Variants in ACSM1 observed in about 807,000 individuals in gnomAD.
The protein encoded by ACSM1 is acyl-coenzyme A synthetase ACSM1, mitochondrial.
A neutral mutation model predicts 75.8 loss-of-function variants in ACSM1; 79 were observed. That is an observed-to-expected ratio of 1.04 (90% CI 0.87 to 1.26). The LOEUF (loss-of-function observed/expected upper bound fraction) is 1.26, where lower values mean the gene tolerates loss of function less well. ACSM1 is among the 50% of genes most tolerant of loss of function. The pLI, the probability that ACSM1 is intolerant of heterozygous loss-of-function variation, is 0.00. For synonymous variants in ACSM1, 279 were observed against 265.8 expected, an observed-to-expected ratio of 1.05 and a Z score of -0.48; for missense variants, 676 against 720.1, an observed-to-expected ratio of 0.94 and a Z score of 0.70.
intron 3 of ACSM1, among the ~76,000 whole-genome samples, 158 bp downstream of exon 3, chr16:20,685,034 CA>C (rs1474568730): frequency 6.6e-6 from 1 of 152,226 alleles, no homozygotes; most frequent in African/African-American, 2.4e-5. Flanking sequence ...ATAATTCCCA[CA>C]GGGCAGGAAG....
intron 4 of ACSM1, chr16:20,680,200 G>A (rs561255957): frequency 2.6e-5 from 4 of 152,184 alleles, no homozygotes; most frequent in Non-Finnish European, 5.9e-5. Context: ...CTATCTTAAA[G>A]CCAGAGATAC....
Position 20,640,382 on chromosome 16 carries a change from C to T in ACSM1, c.1116+79G>A, listed in dbSNP as rs924665713. ...AAGGCACAAACCTGTTTCCCAGATGCGTGTCATTAACCTTAGCAAAATAAT... is the reference window on the plus strand; with the variant it reads ...AAGGCACAAACCTGTTTCCCAGATGTGTGTCATTAACCTTAGCAAAATAAT... On this transcript the variant is annotated intron_variant, in intron 8 of 13. Coordinates refer to ENST00000520010, the MANE Select transcript of ACSM1 (RefSeq NM_001318890.3). The T allele has an allele frequency of 1.1e-4, 167 of 1,515,518 alleles. 1 individual carries two copies. The highest frequency in any genetic ancestry group is 5.4e-4 in the South Asian group (46 of 85,854). The allele number at this position is 1,515,518 out of a possible 1,614,324, so 93.9% of individuals were successfully genotyped here.
At chr16:20,641,491 C>T (rs1045431118) in intron 7 of ACSM1, among the ~76,000 whole-genome samples, 1 of 152,182 alleles carries the variant, frequency 6.6e-6, no homozygotes, top group Non-Finnish European at 1.5e-5. Context: ...ATTGTATTCC[C>T]ATTATCTAAA....
intron 4 of ACSM1, chr16:20,680,693 A>C (rs534383832): frequency 7.9e-5 from 12 of 152,328 alleles, no homozygotes; most frequent in African/African-American, 1.9e-4. Flanking sequence ...GAGACTAAAA[A>C]CAAAACTCTA....
intron 10 of ACSM1, among the ~76,000 whole-genome samples, chr16:20,635,107 A>C (rs1211567233): frequency 6.6e-6 from 1 of 152,154 alleles, no homozygotes; most frequent in Non-Finnish European, 1.5e-5. Context: ...CAATCAAAAA[A>C]AAATTAGCTG....
At chr16:20,675,645 T>C (rs2020233305) in intron 4 of ACSM1, among the ~76,000 whole-genome samples, 1 of 152,212 alleles carries the variant, frequency 6.6e-6, no homozygotes, top group Non-Finnish European at 1.5e-5. Context: ...GTTAAGGACA[T>C]ACTGTGAATT....
chr16:20,660,735 T>C (rs1327823483), intron 7 of ACSM1, among the ~76,000 whole-genome samples: 2 of 152,208 alleles, frequency 1.3e-5, no homozygotes, highest in Admixed American at 1.3e-4. Flanking sequence ...CTAAAACATA[T>C]TAGCTCTGAT....
chr16:20,623,518 C>G lies in ACSM1; in HGVS notation c.1702G>C (p.Glu568Gln), dbSNP rs369831846. Reference sequence around the variant, plus strand: ...TGACCAGTCTCCTTTTTCCGAAGTTCCTTCCGTTCAATCTTGCCAGTGATG... The same window carrying G: ...TGACCAGTCTCCTTTTTCCGAAGTTGCTTCCGTTCAATCTTGCCAGTGATG... ...KTITGKIERK[E>Q]LRKKETGQM is the part of the protein sequence containing the mutation. Residue 568 changes from glutamate to glutamine, a missense_variant, in exon 14 of 14, where the codon GAA becomes CAA. Coordinates refer to ENST00000520010, the MANE Select transcript of ACSM1 (RefSeq NM_001318890.3). The G allele has an allele frequency of 6.2e-6, 10 of 1,613,992 alleles. No homozygotes were observed. Among genetic ancestry groups the G allele is most frequent in the Non-Finnish European group, 8.5e-6 (10 of 1,179,998 alleles).
intron 6 of ACSM1, among the ~76,000 whole-genome samples, chr16:20,663,977 G>A (rs1278722619): frequency 6.6e-6 from 1 of 152,040 alleles, no homozygotes; most frequent in Non-Finnish European, 1.5e-5. Flanking sequence ...GTGGGCTCTG[G>A]CTATTATCAT....
chr16:20,688,131 T>TATAGTAACTAAATAAAC (rs2079587224), intron 2 of ACSM1, among the ~76,000 whole-genome samples: 1 of 148,348 alleles, frequency 6.7e-6, no homozygotes, highest in Non-Finnish European at 1.5e-5. Flanking sequence ...AGCTGAAAAA[T>TATAGTAACTAAATAAAC]ATAGTAACTA....
chr16:20,631,779 A>G (rs529459422), intron 10 of ACSM1, among the ~76,000 whole-genome samples: 1 of 152,308 alleles, frequency 6.6e-6, no homozygotes, highest in African/African-American at 2.4e-5. Context: ...AAAACCAAAT[A>G]GCGTATGTTC....
intron 10 of ACSM1, among the ~76,000 whole-genome samples, chr16:20,627,569 G>A (rs936134143): frequency 2.6e-5 from 4 of 152,024 alleles, no homozygotes; most frequent in African/African-American, 9.7e-5. Context: ...GGTGGCTCAC[G>A]CCTGTAATCC....
chr16:20,655,478 G>A (rs2018908643), intron 7 of ACSM1, among the ~76,000 whole-genome samples: 2 of 152,070 alleles, frequency 1.3e-5, no homozygotes, highest in African/African-American at 4.8e-5. Flanking sequence ...AATGAACTAT[G>A]TAAGTCATAA....
intron 8 of ACSM1, among the ~76,000 whole-genome samples, 191 bp downstream of exon 8, chr16:20,640,270 C>T (rs1350217801): frequency 6.6e-6 from 1 of 152,200 alleles, no homozygotes; most frequent in South Asian, 2.1e-4. Context: ...CTCGTAACTA[C>T]CCCACCTTTA....
intron 2 of ACSM1, among the ~76,000 whole-genome samples, chr16:20,688,381 G>A (rs957588851): frequency 1.4e-4 from 21 of 152,092 alleles, no homozygotes; most frequent in African/African-American, 5.1e-4. Context: ...TGGGCATAGA[G>A]GTTATTGGAA....
At chr16:20,646,609 TG>T (rs1354417121) in intron 7 of ACSM1, among the ~76,000 whole-genome samples, 2 of 152,170 alleles carry the variant, frequency 1.3e-5, no homozygotes, top group Non-Finnish European at 2.9e-5. Context: ...AAGTTGTGAC[TG>T]GGGAACTTTA....
chr16:20,652,487 C>A (rs1428084956), intron 7 of ACSM1, among the ~76,000 whole-genome samples: 2 of 151,806 alleles, frequency 1.3e-5, no homozygotes, highest in South Asian at 2.1e-4. Context: ...AAGAAAGAAT[C>A]TTGTATGGTA....
At chr16:20,657,106 T>C (rs1264041682) in intron 7 of ACSM1, among the ~76,000 whole-genome samples, 6 of 152,148 alleles carry the variant, frequency 3.9e-5, no homozygotes, top group Admixed American at 2.6e-4. Context: ...AAGATAAATA[T>C]GTCTATACAT....
intron 11 of ACSM1, among the ~76,000 whole-genome samples, chr16:20,625,806 C>A (rs1178790831): frequency 6.6e-6 from 1 of 152,220 alleles, no homozygotes; most frequent in Non-Finnish European, 1.5e-5. Context: ...CAGCTTCCCC[C>A]AACACGAAAT....
Sources: gnomAD v4.1 joint callset for allele counts (sites outside exome capture counted in the v4.1 genomes callset) on GRCh38, gnomAD v4.1.1 for gene constraint, MANE v1.5 for transcripts, NCBI Gene and HGNC (gene_info 2026-07-23, HGNC 2026-07-21) for gene names.